RELCH: variants seen among roughly 807,000 people sequenced by gnomAD.
RELCH encodes RAB11 binding and LisH domain, coiled-coil and HEAT repeat containing, also known as RAB11-binding protein RELCH.
A neutral mutation model predicts 150.3 loss-of-function variants in RELCH; 41 were observed. That is an observed-to-expected ratio of 0.27 (90% confidence interval 0.21 to 0.35). The LOEUF is 0.35. Ranked by LOEUF, RELCH falls within the 10% of genes least tolerant of loss-of-function variation. The pLI, the probability that RELCH is intolerant of heterozygous loss-of-function variation, is 1.00. For missense variants in RELCH, 1,092 were observed against 1,467.8 expected (o/e 0.74, Z 4.18); for synonymous variants, 478 against 531.8 (o/e 0.90, Z 1.39).
At chr18:62,189,685 G>C (rs749335703) in intron 1 of RELCH, among the ~76,000 whole-genome samples, 1 of 152,226 alleles carries the variant, frequency 6.6e-6, no homozygotes, top group Middle Eastern at 3.4e-3. Context: ...TCTTATTAGG[G>C]CTATCATAGC....
At chr18:62,300,779 A>G (rs2045629453) in intron 28 of RELCH, among the ~76,000 whole-genome samples, 1 of 152,220 alleles carries the variant, frequency 6.6e-6, no homozygotes, top group South Asian at 2.1e-4. Flanking sequence ...TACCTGTGTA[A>G]GTACTACAAG....
intron 15 of RELCH, among the ~76,000 whole-genome samples, chr18:62,260,124 T>C (rs992647937): frequency 7.0e-6 from 1 of 142,658 alleles, no homozygotes; most frequent in Non-Finnish European, 1.5e-5. Context: ...TGGGAGAAAA[T>C]ATTTGCAAAC....
At chr18:62,276,715 G>A (rs951827175) in intron 22 of RELCH, among the ~76,000 whole-genome samples, 1 of 152,006 alleles carries the variant, frequency 6.6e-6, no homozygotes, top group Non-Finnish European at 1.5e-5. Context: ...TTAGATTTGT[G>A]AATTCCAGAA....
At chr18:62,297,148 G>A (rs1300545306) in intron 27 of RELCH, among the ~76,000 whole-genome samples, 8 of 152,126 alleles carry the variant, frequency 5.3e-5, no homozygotes, top group African/African-American at 1.4e-4. Context: ...TTGAGATATC[G>A]GGCATAGCTG....
intron 1 of RELCH, among the ~76,000 whole-genome samples, chr18:62,199,058 A>G (rs2039244042): frequency 1.3e-5 from 2 of 150,476 alleles, no homozygotes; most frequent in Non-Finnish European, 3.0e-5. Flanking sequence ...ATTTATATTT[A>G]TTATATTATA....
Position 62,261,551 on chromosome 18 carries a change from A to G in RELCH, c.2243A>G (p.Tyr748Cys), listed in dbSNP as rs2043272737. The G allele has an allele frequency of 1.2e-6, 2 of 1,612,158 alleles. No individual in the cohort carries two copies. Among genetic ancestry groups the G allele is most frequent in the East Asian group, 2.2e-5 (1 of 44,800 alleles). Residue 748 changes from tyrosine (Y) to cysteine (C), a missense_variant, in exon 16 of 29, where the codon TAT becomes TGT. Coordinates refer to ENST00000644646, the MANE Select transcript of RELCH (RefSeq NM_001346231.2). ...CTGGATGAACACAAACTCCACATGT[A>G]TCTTTCTGCCTTGCAGTCCTTGATC... ...HGLDEHKLHM[Y>C]LSALQSLIPS...
chr18:62,243,956 C>T (rs1393809529), intron 10 of RELCH, among the ~76,000 whole-genome samples: 1 of 151,920 alleles, frequency 6.6e-6, no homozygotes, highest in Non-Finnish European at 1.5e-5. Context: ...GGATTTCTCG[C>T]AAAAATATTT....
chr18:62,219,362 G>A (rs192941828), intron 2 of RELCH, among the ~76,000 whole-genome samples: 17 of 126,398 alleles, frequency 1.3e-4, no homozygotes, highest in Admixed American at 7.4e-4. Flanking sequence ...TCATTCTGGC[G>A]TAGGGCACTT....
chr18:62,204,734 A>G (rs890068573), intron 1 of RELCH, among the ~76,000 whole-genome samples: 8 of 152,352 alleles, frequency 5.3e-5, no homozygotes, highest in Non-Finnish European at 1.2e-4. Flanking sequence ...TAAAAGGTCT[A>G]TTAGTAAAAA....
At chr18:62,251,952 C>G (rs1226433149) in intron 11 of RELCH, among the ~76,000 whole-genome samples, 1 of 152,036 alleles carries the variant, frequency 6.6e-6, no homozygotes, top group African/African-American at 2.4e-5. Flanking sequence ...AACTTAGGTT[C>G]TTGGTGGCAG....
intron 1 of RELCH, among the ~76,000 whole-genome samples, 186 bp from the exon 2 acceptor site, chr18:62,210,967 G>A (rs148031829): frequency 6.6e-6 from 1 of 152,264 alleles, no homozygotes; most frequent in East Asian, 1.9e-4. Context: ...TTTGGGCAGG[G>A]AAACTTAGTT....
rs573276980 is a variant in RELCH, at chr18:62,284,048, A to G, written c.3253+1604A>G. On this transcript the variant is annotated intron_variant, in intron 25 of 28. Coordinates refer to ENST00000644646, the MANE Select transcript of RELCH (RefSeq NM_001346231.2). ...TGTATATTCAAAAGAAAGACTCATG[A>G]TAATCTGGGAAGAATCCATCTGGAT... is the stretch of plus-strand genomic sequence containing the variant. 1.7e-4 allele frequency among the ~76,000 whole-genome samples: 26 copies of G among 152,296 alleles called. No individual in the cohort carries two copies. In the East Asian group the frequency reaches 3.9e-3, roughly 23 times the overall value.
At chr18:62,212,651 A>C in intron 2 of RELCH, among the ~76,000 whole-genome samples, 1 of 152,300 alleles carries the variant, frequency 6.6e-6, no homozygotes, top group African/African-American at 2.4e-5. Context: ...TGAGTTATAG[A>C]ACTGTTATCT....
intron 20 of RELCH, among the ~76,000 whole-genome samples, chr18:62,270,326 C>T (rs1160959598): frequency 2.0e-5 from 3 of 152,122 alleles, no homozygotes; most frequent in African/African-American, 4.8e-5. Context: ...GGGAAGTAAG[C>T]CAGGGTGTGA....
chr18:62,256,133 G>A (rs1047901703), intron 13 of RELCH, among the ~76,000 whole-genome samples: 1 of 151,906 alleles, frequency 6.6e-6, no homozygotes, highest in Non-Finnish European at 1.5e-5. Flanking sequence ...AAAGCACTTA[G>A]GCAGTTGTTT....
At chr18:62,286,165 A>G (rs2044779668) in intron 25 of RELCH, among the ~76,000 whole-genome samples, 1 of 152,218 alleles carries the variant, frequency 6.6e-6, no homozygotes, top group African/African-American at 2.4e-5. Flanking sequence ...GAATAGATAA[A>G]GTGAAAGAAT....
chr18:62,281,822 A>G (rs2044533777), intron 24 of RELCH, among the ~76,000 whole-genome samples: 7 of 152,226 alleles, frequency 4.6e-5, no homozygotes, highest in Admixed American at 4.6e-4. Flanking sequence ...AAAGCACATC[A>G]TTCTGCAAAG....
At chr18:62,265,157 C>G (rs1035659171) in intron 18 of RELCH, among the ~76,000 whole-genome samples, 1 of 152,044 alleles carries the variant, frequency 6.6e-6, no homozygotes, top group African/African-American at 2.4e-5. Context: ...CAACCACAAT[C>G]CTTTGAATGT....
rs1177109264 is a variant in RELCH, at chr18:62,306,270, C to G, written c.*736C>G. 1.3e-5 allele frequency: 2 copies of G among 152,054 alleles called. No homozygotes were observed. Among genetic ancestry groups the G allele is most frequent in the Admixed American group, 6.5e-5 (1 of 15,268 alleles). 9.4% of individuals were successfully genotyped at this position (152,054 alleles called of 1,614,324 possible). A position where few individuals can be genotyped will look rare whatever the true frequency, so the allele number is the denominator to read the frequency against. On this transcript the variant is annotated 3_prime_UTR_variant, in exon 29 of 29. Coordinates refer to ENST00000644646, the MANE Select transcript of RELCH (RefSeq NM_001346231.2). Reference sequence around the variant, plus strand: ...GCACATAGGCATGGGGAGAGGTAACCAAGGTGAATTTTACAAACTGGTGTA... The same window carrying G: ...GCACATAGGCATGGGGAGAGGTAACGAAGGTGAATTTTACAAACTGGTGTA...
Sources: gnomAD v4.1 joint callset for allele counts (sites outside exome capture counted in the v4.1 genomes callset) on GRCh38, gnomAD v4.1.1 for gene constraint, MANE v1.5 for transcripts, NCBI Gene and HGNC (gene_info 2026-07-23, HGNC 2026-07-21) for gene names.